PPP2R2B: variants seen among roughly 807,000 people sequenced by gnomAD.
PPP2R2B encodes serine/threonine-protein phosphatase 2A 55 kDa regulatory subunit B beta isoform.
PPP2R2B carries 5 observed loss-of-function variants against 46.0 expected under a neutral mutation model. The ratio of observed to expected loss-of-function variants is 0.11; its 90% CI spans 0.06 to 0.23. The LOEUF (loss-of-function observed/expected upper bound fraction) is 0.23. PPP2R2B is among the 10% of genes least tolerant of loss of function. The pLI, the probability that PPP2R2B is intolerant of heterozygous loss-of-function variation, is 1.00. For missense variants in PPP2R2B, 367 were observed against 575.0 expected, an observed-to-expected ratio of 0.64 and a Z score of 3.70; for synonymous variants, 215 against 206.7, an observed-to-expected ratio of 1.04 and a Z score of -0.34.
chr5:146,880,744 C>T (rs1245395896), upstream of PPP2R2B, among the ~76,000 whole-genome samples: 5 of 152,144 alleles, frequency 3.3e-5, no homozygotes. Context: ...GGGAGAATGT[C>T]CCTTCCACAG....
chr5:147,066,041 C>T (rs1196147904), intron 2 of PPP2R2B, among the ~76,000 whole-genome samples: 1 of 152,164 alleles, frequency 6.6e-6, no homozygotes, highest in East Asian at 1.9e-4. Flanking sequence ...ACCCAACAGA[C>T]TGACTCCCGA....
intron 5 of PPP2R2B, among the ~76,000 whole-genome samples, chr5:146,676,092 A>C (rs1485667605): frequency 6.6e-6 from 1 of 152,064 alleles, no homozygotes; most frequent in African/African-American, 2.4e-5. Context: ...GTATTGAAAC[A>C]ATGGCAGCTG....
At chr5:146,791,694 A>G (rs1756211845) in intron 2 of PPP2R2B, among the ~76,000 whole-genome samples, 1 of 152,206 alleles carries the variant, frequency 6.6e-6, no homozygotes, top group African/African-American at 2.4e-5. Flanking sequence ...GAAGAAATCC[A>G]TCAGTTCTTC....
upstream of PPP2R2B, among the ~76,000 whole-genome samples, chr5:147,059,406 T>C (rs1186547004): frequency 6.6e-6 from 1 of 152,198 alleles, no homozygotes; most frequent in Non-Finnish European, 1.5e-5. Context: ...TCATTAACTC[T>C]GTAAGTGGCA....
chr5:146,631,450 T>C (rs1774418886), intron 7 of PPP2R2B, among the ~76,000 whole-genome samples: 1 of 152,160 alleles, frequency 6.6e-6, no homozygotes, highest in Admixed American at 6.5e-5. Flanking sequence ...TTCATAAACA[T>C]CTCTCCACTT....
At chr5:146,699,661 GT>G (rs11388336) in intron 3 of PPP2R2B, among the ~76,000 whole-genome samples, 6,824 of 118,008 alleles carry the variant, frequency 0.058, 276 homozygotes, top group East Asian at 0.27. Flanking sequence ...AACTTAATTG[GT>G]TTTTTTTTTT....
chr5:146,855,592 T>G (rs903069075), intron 2 of PPP2R2B, among the ~76,000 whole-genome samples: 1 of 152,160 alleles, frequency 6.6e-6, no homozygotes, highest in African/African-American at 2.4e-5. Context: ...ATCTAGAGCC[T>G]TTTTCCCTCT....
At chr5:146,858,477 G>C (rs1232577266) in intron 2 of PPP2R2B, among the ~76,000 whole-genome samples, 1 of 151,966 alleles carries the variant, frequency 6.6e-6, no homozygotes, top group Non-Finnish European at 1.5e-5. Flanking sequence ...CTTTACATAG[G>C]GGCAACTGCA....
intron 2 of PPP2R2B, among the ~76,000 whole-genome samples, chr5:146,814,582 G>A (rs992357174): frequency 7.2e-5 from 11 of 152,208 alleles, no homozygotes; most frequent in African/African-American, 2.7e-4. Flanking sequence ...TCAGGAGTTG[G>A]GTGAATGGGC....
rs1342005160 is a variant in PPP2R2B, at chr5:146,588,199, T to C, written c.*1748A>G. The C allele has an allele frequency of 6.6e-6, 1 of 152,238 alleles. No individual in the cohort carries two copies. The highest frequency in any genetic ancestry group is 1.5e-5 in the Non-Finnish European group (1 of 68,044). The allele number at this position is 152,238 out of a possible 1,614,324, so 9.4% of individuals were successfully genotyped here. A position where few individuals can be genotyped will look rare whatever the true frequency, so the allele number is the denominator to read the frequency against. Reference sequence around the variant, plus strand: ...GAGAAATACTGAGAAAGTCTCGTCTTTGTTCCCATGCTCCCTCAATTCTGA... The same window carrying C: ...GAGAAATACTGAGAAAGTCTCGTCTCTGTTCCCATGCTCCCTCAATTCTGA... On this transcript the variant is annotated 3_prime_UTR_variant, in exon 10 of 10. Transcript: ENST00000394411.
chr5:146,832,762 G>T (rs1313683952), intron 2 of PPP2R2B, among the ~76,000 whole-genome samples: 1 of 152,016 alleles, frequency 6.6e-6, no homozygotes, highest in Non-Finnish European at 1.5e-5. Flanking sequence ...TTACCATTGT[G>T]TTATGATTGC....
intron 1 of PPP2R2B, among the ~76,000 whole-genome samples, chr5:146,986,085 C>G (rs1753416984): frequency 6.6e-6 from 1 of 152,134 alleles, no homozygotes; most frequent in Admixed American, 6.6e-5. Flanking sequence ...ATCATACTAC[C>G]TGATTTTACC....
chr5:146,986,251 G>A (rs1297097845), intron 1 of PPP2R2B, among the ~76,000 whole-genome samples: 1 of 152,116 alleles, frequency 6.6e-6, no homozygotes, highest in East Asian at 1.9e-4. Context: ...ACTTTGCATT[G>A]GAACTTAGTA....
chr5:146,870,060 C>T (rs2151407824), intron 2 of PPP2R2B, among the ~76,000 whole-genome samples: 1 of 152,338 alleles, frequency 6.6e-6, no homozygotes, highest in Non-Finnish European at 1.5e-5. Flanking sequence ...TTGCCACCCT[C>T]TACACCCTTG....
intron 2 of PPP2R2B, among the ~76,000 whole-genome samples, chr5:147,061,849 T>C (rs992550111): frequency 2.6e-5 from 4 of 152,196 alleles, no homozygotes; most frequent in African/African-American, 9.7e-5. Flanking sequence ...AAGCATGTTT[T>C]GCACCAAATT....
chr5:147,040,579 C>T (rs1683150913), intron 1 of PPP2R2B: 2 of 299,004 alleles, frequency 6.7e-6, no homozygotes, highest in Non-Finnish European at 1.4e-5. Context: ...CCCAAATCCC[C>T]CGCCCTGAGC....
intron 6 of PPP2R2B, among the ~76,000 whole-genome samples, chr5:146,643,093 T>G (rs1338776872): frequency 6.6e-6 from 1 of 152,100 alleles, no homozygotes; most frequent in African/African-American, 2.4e-5. Context: ...CTTTCCATAC[T>G]TATGATGTGT....
At chr5:146,799,523 C>T (rs1756736377) in intron 2 of PPP2R2B, among the ~76,000 whole-genome samples, 1 of 152,164 alleles carries the variant, frequency 6.6e-6, no homozygotes, top group Non-Finnish European at 1.5e-5. Context: ...TGCACAATGG[C>T]ATGGTGCCAA....
At chr5:146,642,188 G>A (rs985020935) in intron 6 of PPP2R2B, among the ~76,000 whole-genome samples, 1 of 152,212 alleles carries the variant, frequency 6.6e-6, no homozygotes, top group East Asian at 1.9e-4. Context: ...AGGCAGAAGA[G>A]GGGAAGGTGA....
Sources: gnomAD v4.1 joint callset for allele counts (sites outside exome capture counted in the v4.1 genomes callset) on GRCh38, gnomAD v4.1.1 for gene constraint, MANE v1.5 for transcripts, NCBI Gene and HGNC (gene_info 2026-07-23, HGNC 2026-07-21) for gene names.